GABRA3: variants seen among roughly 807,000 people sequenced by gnomAD.
GABRA3 encodes the protein gamma-aminobutyric acid receptor subunit alpha-3.
GABRA3 carries 10 observed loss-of-function variants against 30.1 expected under a neutral mutation model. The observed-to-expected ratio is 0.33, with a 90% confidence interval of 0.20 to 0.56. The LOEUF (loss-of-function observed/expected upper bound fraction) is 0.56. GABRA3 is among the 20% of genes least tolerant of loss of function. The pLI is 0.89. For synonymous variants in GABRA3, 151 were observed against 146.8 expected (o/e 1.03, Z -0.21); for missense variants, 233 against 392.0 (o/e 0.59, Z 3.42).
chrX:152,312,731 T>C (rs1939817267), intron 3 of GABRA3, among the ~76,000 whole-genome samples: 1 of 111,855 alleles, frequency 8.9e-6, no homozygotes, highest in Non-Finnish European at 1.9e-5. Flanking sequence ...AAACTACACA[T>C]CTGACAAAGA....
At chrX:152,296,381 C>T (rs1285664901) in intron 3 of GABRA3, among the ~76,000 whole-genome samples, 1 of 111,929 alleles carries the variant, frequency 8.9e-6, no homozygotes, top group Non-Finnish European at 1.9e-5. Context: ...TATTTGGGGA[C>T]TAAGATACTA....
chrX:152,217,253 T>A (rs888292070), intron 6 of GABRA3, among the ~76,000 whole-genome samples: 10 of 111,063 alleles, frequency 9.0e-5, no homozygotes, highest in African/African-American at 3.3e-4. Flanking sequence ...GGTTGAATGG[T>A]TTTCAGTTGT....
intron 4 of GABRA3, among the ~76,000 whole-genome samples, chrX:152,267,607 C>T (rs1331446628): frequency 9.0e-6 from 1 of 110,828 alleles, no homozygotes; most frequent in Non-Finnish European, 1.9e-5. Flanking sequence ...TAAATGTTTG[C>T]TGGAATTAAG....
chrX:152,416,128 G>A (rs1459234523), intron 1 of GABRA3, among the ~76,000 whole-genome samples: 1 of 102,380 alleles, frequency 9.8e-6, no homozygotes, highest in Non-Finnish European at 2.0e-5. Flanking sequence ...AAACCCCATT[G>A]TCTCAGCCCA....
chrX:152,180,997 C>T lies in GABRA3; in HGVS notation c.1143+8733G>A, dbSNP rs12007899. Among the ~76,000 whole-genome samples the T allele has an allele frequency of 3.8e-3, 423 of 111,971 alleles. 4 individuals are homozygous for T. In the Middle Eastern group the frequency reaches 0.083, roughly 22 times the overall value. On this transcript the variant is annotated intron_variant, in intron 9 of 9. Transcript: ENST00000370314. ...GATGCCTTCAGCTTTCTTCTTTTTG[C>T]TCAAGATTGCTTTGACATTCAGAGT...
chrX:152,437,386 T>C (rs1930802178), intron 1 of GABRA3, among the ~76,000 whole-genome samples: 1 of 111,693 alleles, frequency 9.0e-6, no homozygotes, highest in Non-Finnish European at 1.9e-5. Context: ...GGAGAAATAT[T>C]CCATGGTCAT....
At chrX:152,408,913 C>G (rs1297985143) in intron 1 of GABRA3, among the ~76,000 whole-genome samples, 1 of 111,917 alleles carries the variant, frequency 8.9e-6, no homozygotes, top group Non-Finnish European at 1.9e-5. Flanking sequence ...AGATATAAAT[C>G]CATGCATTTG....
Position 152,168,515 on chromosome X carries a change from T to C in GABRA3, c.1192A>G (p.Ile398Val). The change falls in exon 10 of 10, where the codon ATC (isoleucine) becomes GTC (valine). Residue 398 changes from isoleucine (I) to valine (V), a missense_variant. Physicochemically the swap from Ile to Val is conservative, Grantham distance 29. Around this residue, in one of 6 missense-constraint regions of GABRA3, gnomAD observed 66 missense variants for 57.1 expected, o/e 1.16. Coordinates refer to ENST00000370314, the MANE Select transcript of GABRA3 (RefSeq NM_000808.4). ...TTGATGGGATAGGTGGTCCCCACGA[T>C]GTTGAAGGTAGTGCTGGTTTTCTTT... ...PAKKTSTTFN[I>V]VGTTYPINLA... 8.3e-7 allele frequency: 1 copy of C among 1,211,134 alleles called. No individual in the cohort carries two copies. Among genetic ancestry groups the C allele is most frequent in the Non-Finnish European group, 1.1e-6 (1 of 895,002 alleles).
chrX:152,185,323 G>A (rs184037336), intron 9 of GABRA3, among the ~76,000 whole-genome samples: 12 of 111,239 alleles, frequency 1.1e-4, no homozygotes, highest in African/African-American at 3.9e-4. Flanking sequence ...TGACCATAGA[G>A]ACTAAAGAGG....
intron 1 of GABRA3, among the ~76,000 whole-genome samples, chrX:152,374,249 G>C (rs1177867641): frequency 1.8e-5 from 2 of 109,116 alleles, no homozygotes; most frequent in Non-Finnish European, 3.8e-5. Context: ...TCTGTAGGTT[G>C]TCTGTTCACT....
intron 5 of GABRA3, among the ~76,000 whole-genome samples, chrX:152,239,972 T>A (rs1441841568): frequency 5.1e-5 from 5 of 98,698 alleles, no homozygotes; most frequent in African/African-American, 2.1e-4. Context: ...TGTCTTTTAA[T>A]TGGAGAATTT....
intron 4 of GABRA3, among the ~76,000 whole-genome samples, chrX:152,279,764 G>A (rs1312181543): frequency 9.0e-6 from 1 of 111,512 alleles, no homozygotes; most frequent in Admixed American, 9.6e-5. Context: ...TCTTACATTT[G>A]TTTGTATCCT....
chrX:152,384,147 A>G (rs1259069841), intron 1 of GABRA3, among the ~76,000 whole-genome samples: 1 of 111,408 alleles, frequency 9.0e-6, no homozygotes, highest in East Asian at 2.8e-4. Flanking sequence ...AAAATAATAT[A>G]TTTGGTGTAA....
intron 4 of GABRA3, among the ~76,000 whole-genome samples, chrX:152,271,029 T>C (rs1353098522): frequency 9.4e-6 from 1 of 105,874 alleles, no homozygotes; most frequent in African/African-American, 3.5e-5. Flanking sequence ...TGGTGCAAAC[T>C]CAGCTCACTG....
rs905937031 is a variant in GABRA3, at chrX:152,177,033, G to A, written c.1144-8470C>T. Reference sequence around the variant, plus strand: ...AATCCTGATGTATGAGAATCCAAGTGAGGAGTTGACACCTTTTTCAAAGAA... The same window carrying A: ...AATCCTGATGTATGAGAATCCAAGTAAGGAGTTGACACCTTTTTCAAAGAA... On this transcript the variant is annotated intron_variant, in intron 9 of 9. Coordinates refer to ENST00000370314, the MANE Select transcript of GABRA3 (RefSeq NM_000808.4). Among the ~76,000 whole-genome samples the A allele has an allele frequency of 3.7e-4, 42 of 112,097 alleles. 1 individual carries two copies. The highest frequency in any genetic ancestry group is 1.3e-3 in the African/African-American group (40 of 30,861).
chrX:152,296,724 G>C (rs1178117847), intron 3 of GABRA3, among the ~76,000 whole-genome samples: 1 of 105,144 alleles, frequency 9.5e-6, no homozygotes, highest in African/African-American at 3.5e-5. Context: ...TTTTGAGACA[G>C]AGTCTCACAC....
At chrX:152,331,083 C>A (rs1019043304) in intron 3 of GABRA3, among the ~76,000 whole-genome samples, 17 of 108,232 alleles carry the variant, frequency 1.6e-4, no homozygotes, top group African/African-American at 5.7e-4. Flanking sequence ...GACTGTGAAA[C>A]ACCCTGAAAC....
chrX:152,302,060 A>T (rs1208042654), intron 3 of GABRA3, among the ~76,000 whole-genome samples: 1 of 111,733 alleles, frequency 8.9e-6, no homozygotes, highest in Non-Finnish European at 1.9e-5. Flanking sequence ...TTCTAAAAAG[A>T]CAATATATGA....
chrX:152,294,814 G>C (rs1043493835), intron 3 of GABRA3, among the ~76,000 whole-genome samples: 2 of 111,439 alleles, frequency 1.8e-5, no homozygotes, highest in African/African-American at 6.5e-5. Flanking sequence ...TGGGGTTTTG[G>C]TGTGGATGTT....
Sources: allele counts gnomAD v4.1 joint callset (sites outside exome capture counted in the v4.1 genomes callset), GRCh38; gene constraint gnomAD v4.1.1; regional missense constraint gnomAD v4.1.1; transcripts MANE v1.5; gene names NCBI Gene and HGNC (gene_info 2026-07-23, HGNC 2026-07-21).